NT5DC3: variants seen among roughly 807,000 people sequenced by gnomAD.
NT5DC3 encodes the protein 5'-nucleotidase domain containing 3, also known as 5'-nucleotidase domain-containing protein 3.
NT5DC3 carries 42 observed loss-of-function variants against 67.8 expected under a neutral mutation model. The observed-to-expected ratio is 0.62, with a 90% CI of 0.48 to 0.80. NT5DC3 has a LOEUF of 0.80. Ranked by LOEUF, NT5DC3 falls within the 30% of genes least tolerant of loss-of-function variation. The probability of loss-of-function intolerance (pLI) is 0.00; values close to 1 mark genes in which losing one functional copy is unlikely to be tolerated. For missense variants in NT5DC3, 570 were observed against 696.4 expected, an observed-to-expected ratio of 0.82 and a Z score of 2.04; for synonymous variants, 237 against 255.6, an observed-to-expected ratio of 0.93 and a Z score of 0.69.
chr12:103,749,567 C>T, the NT5DC3 span, among the ~76,000 whole-genome samples: 5 of 151,696 alleles, frequency 3.3e-5, no homozygotes, highest in East Asian at 1.9e-4. Context: ...CGGTGGCTCA[C>T]GCCTGTAATC....
chr12:103,766,382 C>T (rs1347907960), downstream of NT5DC3: 1 of 1,572,090 alleles, frequency 6.4e-7, no homozygotes, highest in Middle Eastern at 1.8e-4. Context: ...CCACCTGGGC[C>T]ATCAACTGTG....
At chr12:103,755,385 C>T in the NT5DC3 span, 2 of 1,614,120 alleles carry the variant, frequency 1.2e-6, no homozygotes, top group Non-Finnish European at 1.7e-6. Context: ...AGAACTGTGG[C>T]TCTGGTGTGG....
chr12:103,809,308 G>C (rs1173960156), intron 2 of NT5DC3, among the ~76,000 whole-genome samples: 1 of 152,204 alleles, frequency 6.6e-6, no homozygotes, highest in Non-Finnish European at 1.5e-5. Flanking sequence ...TTCTTTCTTT[G>C]AATGAGGCTT....
intron 1 of NT5DC3, among the ~76,000 whole-genome samples, chr12:103,825,680 T>C (rs530261710): frequency 3.3e-5 from 5 of 152,240 alleles, no homozygotes; most frequent in Admixed American, 6.5e-5. Context: ...GAGGCTGAGA[T>C]AGAAGGATCC....
At chr12:103,835,131 G>A (rs183184165) in intron 1 of NT5DC3, among the ~76,000 whole-genome samples, 371 of 152,236 alleles carry the variant, frequency 2.4e-3, no homozygotes, top group Non-Finnish European at 4.0e-3. Context: ...TAACTCAGCC[G>A]CTGTTGAACC....
the NT5DC3 span, among the ~76,000 whole-genome samples, chr12:103,749,789 G>A: frequency 4.5e-5 from 6 of 134,372 alleles, no homozygotes; most frequent in East Asian, 4.8e-4. Context: ...GCAGTGAGCC[G>A]AGATCGTGCC....
intron 1 of NT5DC3, among the ~76,000 whole-genome samples, chr12:103,821,435 C>T (rs1887486379): frequency 6.6e-6 from 1 of 152,210 alleles, no homozygotes; most frequent in Non-Finnish European, 1.5e-5. Flanking sequence ...CCTAACAGAG[C>T]ACCTGAATTC....
chr12:103,787,614 G>A (rs1593389038), intron 10 of NT5DC3, 87 bp from the exon 11 acceptor site: 4 of 520,076 alleles, frequency 7.7e-6, no homozygotes, highest in Non-Finnish European at 1.2e-5. Flanking sequence ...TTTAAAAATT[G>A]TTGTTTTTAT....
intron 4 of NT5DC3, among the ~76,000 whole-genome samples, chr12:103,805,048 T>C (rs1886738625): frequency 7.1e-6 from 1 of 141,320 alleles, no homozygotes; most frequent in Non-Finnish European, 1.5e-5. Flanking sequence ...GGAGACTCCA[T>C]CTCAATAACA....
Position 103,793,987 on chromosome 12 carries a change from C to T in NT5DC3, c.764G>A (p.Arg255Gln). The part of the protein sequence containing the change: ...HLYKDVKDSI[R>Q]DVHIKGIMYR... ...CATTATTCCTTTGATGTGGACGTCT[C>T]GAATTGAATCCTGCCAAAAGATACA... The change falls in exon 7 of 14, where the codon CGA (arginine) becomes CAA (glutamine). Residue 255 changes from arginine (R) to glutamine (Q), a missense_variant. Transcript: ENST00000392876. The T allele has an allele frequency of 2.5e-6, 4 of 1,613,426 alleles. No homozygotes were observed. The South Asian group carries it at 3.3e-5, about 13-fold the overall frequency.
In NT5DC3 at chr12:103,814,849, T is replaced by G. The variant is rs548310216; in HGVS notation, c.393+88A>C. 53 of 894,742 alleles carry G rather than the reference T, an allele frequency of 5.9e-5. No homozygotes were observed. In the African/African-American group the frequency reaches 8.7e-4, roughly 15 times the overall value. The allele number at this position is 894,742 out of a possible 1,614,324, so 55.4% of individuals were successfully genotyped here. A position where few individuals can be genotyped will look rare whatever the true frequency, so the allele number is the denominator to read the frequency against. On this transcript the variant is annotated intron_variant, in intron 2 of 13. Coordinates refer to ENST00000392876, the MANE Select transcript of NT5DC3 (RefSeq NM_001031701.3). ...TAGCAACAATTTATTAAATGACTTC[T>G]CTGTGGCAGACTTGGGGTCATGTCA... is the stretch of plus-strand genomic sequence containing the variant.
intron 2 of NT5DC3, 130 bp from the exon 3 acceptor site, chr12:103,807,059 A>C (rs1256453294): frequency 1.6e-6 from 1 of 608,934 alleles, no homozygotes; most frequent in Non-Finnish European, 3.0e-6. Context: ...GAAGGGGCAG[A>C]CCACAGCTTG....
At chr12:103,813,814 G>A (rs1000003215) in intron 2 of NT5DC3, among the ~76,000 whole-genome samples, 6 of 152,306 alleles carry the variant, frequency 3.9e-5, no homozygotes, top group African/African-American at 1.4e-4. Flanking sequence ...CTTAGAGGGC[G>A]TAATGGCTGG....
At chr12:103,822,798 C>T (rs1057121732) in intron 1 of NT5DC3, among the ~76,000 whole-genome samples, 3 of 152,062 alleles carry the variant, frequency 2.0e-5, no homozygotes, top group Non-Finnish European at 4.4e-5. Flanking sequence ...ATATTCATAC[C>T]CTTTGACCCA....
chr12:103,818,862 G>C (rs1887374145), intron 1 of NT5DC3, among the ~76,000 whole-genome samples: 1 of 152,168 alleles, frequency 6.6e-6, no homozygotes, highest in African/African-American at 2.4e-5. Context: ...GGCCATTGCT[G>C]ATGATATTTT....
chr12:103,748,218 C>G, the NT5DC3 span, among the ~76,000 whole-genome samples: 1 of 152,156 alleles, frequency 6.6e-6, no homozygotes, highest in African/African-American at 2.4e-5. Context: ...GCAACAAAGA[C>G]CTAGATTCTC....
chr12:103,786,160 CAATA>C (rs1240187122), intron 11 of NT5DC3, among the ~76,000 whole-genome samples: 1 of 151,902 alleles, frequency 6.6e-6, no homozygotes, highest in African/African-American at 2.4e-5. Flanking sequence ...AAAATACAGA[CAATA>C]AATAAGTAAA....
At chr12:103,795,186 T>C (rs1886258338) in intron 6 of NT5DC3, among the ~76,000 whole-genome samples, 1 of 152,240 alleles carries the variant, frequency 6.6e-6, no homozygotes, top group Non-Finnish European at 1.5e-5. Context: ...AAGGCTCTGC[T>C]ATTTACCAGC....
intron 1 of NT5DC3, among the ~76,000 whole-genome samples, chr12:103,838,568 T>C (rs1888247233): frequency 6.6e-6 from 1 of 152,218 alleles, no homozygotes; most frequent in Non-Finnish European, 1.5e-5. Flanking sequence ...GACCCAGCAA[T>C]TGTACTCTTT....
Sources: gnomAD v4.1 joint callset for allele counts (sites outside exome capture counted in the v4.1 genomes callset) on GRCh38, gnomAD v4.1.1 for gene constraint, MANE v1.5 for transcripts, NCBI Gene and HGNC (gene_info 2026-07-23, HGNC 2026-07-21) for gene names.